TMEM132D: variants seen among roughly 807,000 people sequenced by gnomAD.
TMEM132D encodes the protein mature OL transmembrane protein.
A neutral mutation model predicts 62.3 loss-of-function variants in TMEM132D; 21 were observed. The observed-to-expected ratio is 0.34, with a 90% CI of 0.24 to 0.49. TMEM132D has a LOEUF of 0.49. Among genes scored for constraint, TMEM132D ranks in the 20% least tolerant of loss-of-function variants. TMEM132D has a pLI of 0.99. For synonymous variants in TMEM132D, 621 were observed against 575.6 expected (o/e 1.08, Z -1.13); for missense variants, 1,346 against 1,402.8 (o/e 0.96, Z 0.65).
intron 2 of TMEM132D, among the ~76,000 whole-genome samples, chr12:129,651,993 C>CA (rs774325526): frequency 6.6e-5 from 10 of 152,084 alleles, no homozygotes; most frequent in Non-Finnish European, 1.0e-4. Flanking sequence ...TAGTCCCAGG[C>CA]AAAAATGAAG....
At chr12:129,404,174 A>C (rs536605445) in intron 3 of TMEM132D, among the ~76,000 whole-genome samples, 58 of 151,944 alleles carry the variant, frequency 3.8e-4, no homozygotes, top group Middle Eastern at 6.8e-3. Context: ...CATCGTTGTA[A>C]ATACCTGAGA....
At chr12:129,589,713 G>A (rs1251109177) in intron 2 of TMEM132D, among the ~76,000 whole-genome samples, 1 of 152,118 alleles carries the variant, frequency 6.6e-6, no homozygotes, top group African/African-American at 2.4e-5. Flanking sequence ...TTATCGTCAT[G>A]GGTGGTTGAG....
chr12:129,334,035 C>T (rs1358677981), intron 4 of TMEM132D, among the ~76,000 whole-genome samples: 3 of 152,046 alleles, frequency 2.0e-5, no homozygotes, highest in South Asian at 2.1e-4. Flanking sequence ...GCAGGAGAAT[C>T]GCTTGAACCT....
intron 1 of TMEM132D, among the ~76,000 whole-genome samples, chr12:129,780,252 C>T (rs1310123412): frequency 2.0e-5 from 3 of 151,960 alleles, no homozygotes; most frequent in Non-Finnish European, 4.4e-5. Flanking sequence ...CAGCGTTGAC[C>T]CTCCCCCTCC....
At chr12:129,591,509 AATCAGCATTTTGAGTG>A (rs1878189213) in intron 2 of TMEM132D, among the ~76,000 whole-genome samples, 1 of 150,324 alleles carries the variant, frequency 6.7e-6, no homozygotes. Flanking sequence ...TCTGTCATTC[AATCAGCATTTTGAGTG>A]AAATTGGCTT....
intron 3 of TMEM132D, among the ~76,000 whole-genome samples, chr12:129,450,392 A>G (rs143164115): frequency 2.0e-5 from 3 of 152,150 alleles, no homozygotes; most frequent in African/African-American, 7.2e-5. Context: ...AGTCTGTATA[A>G]CAAACCCCCA....
intron 1 of TMEM132D, among the ~76,000 whole-genome samples, chr12:129,769,444 A>G (rs1342327731): frequency 6.6e-6 from 1 of 152,188 alleles, no homozygotes; most frequent in Non-Finnish European, 1.5e-5. Context: ...CCATGATTCA[A>G]TTATCTCCAC....
chr12:129,656,405 C>G (rs265596), intron 2 of TMEM132D, among the ~76,000 whole-genome samples: 151,354 of 152,326 alleles, frequency 0.99, 75,201 homozygotes, highest in East Asian at 1. Flanking sequence ...GCAGAAACAG[C>G]TGATTATATA....
chr12:129,099,732 C>G (rs1207561439), intron 5 of TMEM132D, among the ~76,000 whole-genome samples: 1 of 152,270 alleles, frequency 6.6e-6, no homozygotes, highest in African/African-American at 2.4e-5. Context: ...TCAGTCCCAC[C>G]TTGGCAGAAA....
At position 129,535,570 on chromosome 12, in the gene TMEM132D, C is replaced by T. The variant is rs112414548; in HGVS notation, c.969-4365G>A. ...GCCCCAAAGAGAAACTCCCTACTTA[C>T]GCAATCTTGTCAGTGGAAGTGTTCT... On this transcript the variant is annotated intron_variant, in intron 2 of 8. Coordinates refer to ENST00000422113, the MANE Select transcript of TMEM132D (RefSeq NM_133448.3). Among the ~76,000 whole-genome samples the T allele has an allele frequency of 2.6e-3, 396 of 152,302 alleles. 1 individual carries two copies. The highest frequency in any genetic ancestry group is 9.0e-3 in the African/African-American group (374 of 41,554).
chr12:129,395,726 C>T (rs1278652438), intron 3 of TMEM132D, among the ~76,000 whole-genome samples: 1 of 94,476 alleles, frequency 1.1e-5, no homozygotes, highest in East Asian at 4.7e-4. Flanking sequence ...CATCTACATA[C>T]ATGTACATAG....
chr12:129,792,511 A>G (rs1183422565), intron 1 of TMEM132D, among the ~76,000 whole-genome samples: 1 of 152,200 alleles, frequency 6.6e-6, no homozygotes, highest in Non-Finnish European at 1.5e-5. Flanking sequence ...TCCGGTACAT[A>G]TTTACCGAAA....
intron 1 of TMEM132D, among the ~76,000 whole-genome samples, chr12:129,837,675 G>A (rs138256547): frequency 7.9e-4 from 120 of 152,222 alleles, no homozygotes; most frequent in African/African-American, 2.6e-3. Flanking sequence ...CAATGTCTTC[G>A]ATCTGCTGTT....
intron 2 of TMEM132D, among the ~76,000 whole-genome samples, chr12:129,589,443 A>G (rs2137133477): frequency 6.6e-6 from 1 of 152,250 alleles, no homozygotes; most frequent in East Asian, 1.9e-4. Context: ...ACAGACTAAT[A>G]CATGGGGGAA....
chr12:129,176,194 A>G (rs1039392716), intron 5 of TMEM132D, among the ~76,000 whole-genome samples: 1 of 152,196 alleles, frequency 6.6e-6, no homozygotes, highest in Non-Finnish European at 1.5e-5. Flanking sequence ...AGCAGATTTC[A>G]ACTCCATTCT....
At chr12:129,692,919 T>C (rs1334173171) in intron 2 of TMEM132D, among the ~76,000 whole-genome samples, 1 of 152,050 alleles carries the variant, frequency 6.6e-6, no homozygotes, top group Non-Finnish European at 1.5e-5. Context: ...AGGTGACAAG[T>C]GCAGCAAACC....
intron 1 of TMEM132D, among the ~76,000 whole-genome samples, chr12:129,792,975 C>A (rs2137299963): frequency 6.6e-6 from 1 of 152,142 alleles, no homozygotes; most frequent in East Asian, 1.9e-4. Context: ...TGGGATGATA[C>A]AGATTAGACG....
chr12:129,148,977 T>C (rs1876995514), intron 5 of TMEM132D, among the ~76,000 whole-genome samples: 1 of 152,066 alleles, frequency 6.6e-6, no homozygotes, highest in African/African-American at 2.4e-5. Context: ...CTCCTCAGCT[T>C]TGACAAAAAG....
intron 4 of TMEM132D, among the ~76,000 whole-genome samples, chr12:129,295,445 T>A (rs1367153707): frequency 6.7e-6 from 1 of 150,300 alleles, no homozygotes; most frequent in Non-Finnish European, 1.5e-5. Flanking sequence ...TTTTTTTTTT[T>A]TTGAGACAGT....
Sources: allele counts gnomAD v4.1 joint callset (sites outside exome capture counted in the v4.1 genomes callset), GRCh38; gene constraint gnomAD v4.1.1; transcripts MANE v1.5; gene names NCBI Gene and HGNC (gene_info 2026-07-23, HGNC 2026-07-21).